Variants in GFI1B observed in about 807,000 individuals in gnomAD.
GFI1B encodes the protein zinc finger protein Gfi-1b.
GFI1B carries 20 observed loss-of-function variants against 35.3 expected under a neutral mutation model. The observed-to-expected ratio is 0.57, with a 90% confidence interval of 0.40 to 0.82. The LOEUF (loss-of-function observed/expected upper bound fraction) is 0.82, where lower values mean the gene tolerates loss of function less well. GFI1B is among the 40% of genes least tolerant of loss of function. GFI1B has a pLI of 0.00. For missense variants in GFI1B, 430 were observed against 446.3 expected (o/e 0.96, Z 0.33); for synonymous variants, 178 against 177.6 (o/e 1.00, Z -0.02).
At chr9:132,984,677 A>G (rs999265102) in intron 1 of GFI1B, among the ~76,000 whole-genome samples, 1 of 152,114 alleles carries the variant, frequency 6.6e-6, no homozygotes, top group African/African-American at 2.4e-5. Context: ...CCACCATCCC[A>G]TGTGGTTGGA....
chr9:132,960,164 C>T (rs1045955496), intron 1 of GFI1B, among the ~76,000 whole-genome samples: 4 of 152,176 alleles, frequency 2.6e-5, no homozygotes, highest in Non-Finnish European at 4.4e-5. Flanking sequence ...GGGCAACTTA[C>T]TGGTGAGGGT....
intron 3 of GFI1B, 115 bp downstream of exon 3, chr9:132,987,534 C>A: frequency 2.5e-6 from 3 of 1,186,496 alleles, no homozygotes; most frequent in East Asian, 2.5e-5. Flanking sequence ...CCCACGAAGT[C>A]ACTGGATGCA....
intron 1 of GFI1B, among the ~76,000 whole-genome samples, chr9:132,959,931 T>A (rs141112053): frequency 9.0e-4 from 137 of 152,334 alleles, no homozygotes; most frequent in African/African-American, 2.4e-3. Flanking sequence ...GAACCGAACT[T>A]CATCTTCAAA....
chr9:132,959,229 C>T (rs1848329086), intron 1 of GFI1B, among the ~76,000 whole-genome samples: 1 of 152,120 alleles, frequency 6.6e-6, no homozygotes, highest in South Asian at 2.1e-4. Flanking sequence ...TTCTCCCATG[C>T]TGTTCTCGGG....
chr9:132,984,094 A>G (rs1848932594), intron 1 of GFI1B, among the ~76,000 whole-genome samples: 2 of 152,244 alleles, frequency 1.3e-5, no homozygotes, highest in African/African-American at 4.8e-5. Context: ...CTTTGGTTCT[A>G]GTTGATTTCC....
chr9:132,962,692 A>T, intron 1 of GFI1B: 1 of 460,170 alleles, frequency 2.2e-6, no homozygotes, highest in South Asian at 1.7e-5. Context: ...GATGACACAC[A>T]TATTATGTTC....
upstream of GFI1B, among the ~76,000 whole-genome samples, chr9:132,977,894 C>G (rs537835203): frequency 1.3e-5 from 2 of 152,198 alleles, no homozygotes; most frequent in African/African-American, 4.8e-5. Context: ...GCAGGCCGAG[C>G]GTCTCCTGGC....
intron 1 of GFI1B, among the ~76,000 whole-genome samples, chr9:132,963,181 A>G (rs1219937040): frequency 2.0e-5 from 3 of 150,698 alleles, no homozygotes; most frequent in Non-Finnish European, 4.4e-5. Context: ...GGGAACTTTC[A>G]TTTCAAAAAA....
At chr9:132,992,806 C>T (rs182633529), downstream of GFI1B, among the ~76,000 whole-genome samples, 6 of 152,256 alleles carry the variant, frequency 3.9e-5, no homozygotes, top group South Asian at 4.1e-4. Context: ...GAGCTCCAGC[C>T]GCACCCCACC....
chr9:132,993,025 C>A (rs562734790), downstream of GFI1B, among the ~76,000 whole-genome samples: 3 of 151,898 alleles, frequency 2.0e-5, no homozygotes, highest in African/African-American at 7.3e-5. Context: ...ATGGGCCAGG[C>A]GCTCACGCCT....
chr9:132,962,680 G>T, intron 1 of GFI1B: 1 of 473,436 alleles, frequency 2.1e-6, no homozygotes, highest in Non-Finnish European at 4.2e-6. Context: ...AATTACACAT[G>T]AGATGACACA....
rs377466789 is a variant in GFI1B, at chr9:132,990,865, C to A, written c.815-7C>A. The A allele has an allele frequency of 1.9e-6, 3 of 1,614,078 alleles. No individual in the cohort carries two copies. Among genetic ancestry groups the A allele is most frequent in the Non-Finnish European group, 1.7e-6 (2 of 1,179,966 alleles). ...GCCCTTGCTGTGCTGCGCTGCCCTCCCTGCAGGTGAGAAGCCGCACAAGTG... is the reference window on the plus strand; with the variant it reads ...GCCCTTGCTGTGCTGCGCTGCCCTCACTGCAGGTGAGAAGCCGCACAAGTG... On this transcript the variant is annotated splice_polypyrimidine_tract_variant and splice_region_variant and intron_variant, in intron 6 of 6. Coordinates refer to ENST00000372122, the MANE Select transcript of GFI1B (RefSeq NM_001377304.1).
chr9:132,977,703 C>T (rs758934547), upstream of GFI1B, among the ~76,000 whole-genome samples: 12 of 151,882 alleles, frequency 7.9e-5, no homozygotes, highest in Admixed American at 3.9e-4. Context: ...GGGGATGGGA[C>T]GCCCTGCCAA....
upstream of GFI1B, among the ~76,000 whole-genome samples, chr9:132,978,151 GGAGGAAAGGAGGGAAGAGAGAGA>G (rs1184346050): frequency 6.6e-6 from 1 of 151,198 alleles, no homozygotes; most frequent in Admixed American, 6.6e-5. Context: ...AAAAAAGGAG[GGAGGAAAGGAGGGAAGAGAGAGA>G]GAGGAGAGGA....
chr9:132,962,185 T>G lies in GFI1B; in HGVS notation c.-700-10540T>G, dbSNP rs566033638. On this transcript the variant is annotated intron_variant, in intron 1 of 10. Transcript: ENST00000339463. The stretch of plus-strand genomic sequence containing the variant: ...CAGAATCTCACTCTGTCACACAGGC[T>G]GGAGTACAGTGGTACCATCTCAGCT... Among the ~76,000 whole-genome samples the G allele has an allele frequency of 2.1e-3, 317 of 148,742 alleles. 3 individuals are homozygous for G. The highest frequency in any genetic ancestry group is 7.7e-3 in the African/African-American group (309 of 40,300).
rs375635333 is a variant in GFI1B, at chr9:132,989,813, C to T, written c.720C>T (p.Leu240=). 6.2e-7 allele frequency: 1 copy of T among 1,614,036 alleles called. No individual in the cohort carries two copies. Among genetic ancestry groups the T allele is most frequent in the East Asian group, 2.2e-5 (1 of 44,882 alleles). ...CGTCCACGCTGTCCACCCACCTGCT[C>T]ATCCACTCAGACACGCGGCCCTACC... ...KRSSTLSTHL[L]IHSDTRPYPC... Residue 240 remains leucine, a synonymous_variant, in exon 6 of 7, where the codon CTC becomes CTT. Transcript: ENST00000372122. This position sits in a 1 kb window ranked among gnomAD's most constrained non-coding sequence, Gnocchi z 6.2.
At chr9:132,959,577 T>C (rs905534312) in intron 1 of GFI1B, among the ~76,000 whole-genome samples, 3 of 152,216 alleles carry the variant, frequency 2.0e-5, no homozygotes, top group African/African-American at 4.8e-5. Context: ...GCTATATTCA[T>C]TTCCCAGGGC....
chr9:132,983,235 C>G (rs1040517995), intron 1 of GFI1B, among the ~76,000 whole-genome samples: 23 of 145,368 alleles, frequency 1.6e-4, no homozygotes. Flanking sequence ...GCTCTGTCAC[C>G]CAGGCTGAAG....
At chr9:132,968,207 C>A (rs986124221) in intron 1 of GFI1B, among the ~76,000 whole-genome samples, 2 of 152,012 alleles carry the variant, frequency 1.3e-5, no homozygotes, top group Non-Finnish European at 2.9e-5. Flanking sequence ...CTCTATCTCC[C>A]AGGATCAAGT....
Sources: gnomAD v4.1 joint callset for allele counts (sites outside exome capture counted in the v4.1 genomes callset) on GRCh38, gnomAD v4.1.1 for gene constraint, Gnocchi (gnomAD v3.1) non-coding constraint, MANE v1.5 for transcripts, NCBI Gene and HGNC (gene_info 2026-07-23, HGNC 2026-07-21) for gene names.